Variants in CALN1 observed in about 807,000 individuals in gnomAD.
CALN1 encodes calneuron 1.
A neutral mutation model predicts 30.6 loss-of-function variants in CALN1; 17 were observed. The observed-to-expected ratio is 0.56, with a 90% CI of 0.38 to 0.83. The LOEUF (loss-of-function observed/expected upper bound fraction) is 0.83. Ranked by LOEUF, CALN1 falls within the 40% of genes least tolerant of loss-of-function variation. CALN1 has a pLI of 0.00. For missense variants in CALN1, 291 were observed against 354.9 expected (o/e 0.82, Z 1.45); for synonymous variants, 156 against 131.4 (o/e 1.19, Z -1.28).
chr7:72,384,831 A>G (rs1035401472), intron 2 of CALN1, among the ~76,000 whole-genome samples: 4 of 152,188 alleles, frequency 2.6e-5, no homozygotes, highest in Admixed American at 2.0e-4. Flanking sequence ...CATTATTAAT[A>G]TTTAAAAAGA....
At chr7:71,917,271 G>A (rs1213830624) in intron 5 of CALN1, among the ~76,000 whole-genome samples, 1 of 152,160 alleles carries the variant, frequency 6.6e-6, no homozygotes, top group Non-Finnish European at 1.5e-5. Context: ...TCAAAGGGTG[G>A]TAGAAATGGG....
chr7:72,463,110 C>A, the CALN1 span, among the ~76,000 whole-genome samples: 1 of 148,908 alleles, frequency 6.7e-6, no homozygotes. Flanking sequence ...GAATGCTTTG[C>A]ATTTTTATTT....
intron 3 of CALN1, among the ~76,000 whole-genome samples, chr7:72,264,395 A>G (rs182064388): frequency 2.6e-5 from 4 of 152,210 alleles, no homozygotes; most frequent in African/African-American, 7.2e-5. Context: ...TGAACAAAAT[A>G]TATCTTCAAA....
At chr7:72,344,767 G>A (rs1045733203) in intron 2 of CALN1, among the ~76,000 whole-genome samples, 7 of 144,476 alleles carry the variant, frequency 4.8e-5, no homozygotes, top group African/African-American at 1.3e-4. Flanking sequence ...TTGCTTTTTC[G>A]AAAAAATTTT....
chr7:72,291,621 T>C (rs1798482888), intron 2 of CALN1, among the ~76,000 whole-genome samples: 1 of 152,162 alleles, frequency 6.6e-6, no homozygotes, highest in South Asian at 2.1e-4. Context: ...GGGAAGAAAA[T>C]AAGCATCACT....
At chr7:72,062,536 A>AG (rs1563023160) in intron 4 of CALN1, among the ~76,000 whole-genome samples, 16 of 149,628 alleles carry the variant, frequency 1.1e-4, no homozygotes, top group African/African-American at 3.2e-4. Flanking sequence ...AAAAAGAAAA[A>AG]AAATAAATAA....
At position 72,273,728 on chromosome 7, in the gene CALN1, C is replaced by G. The variant is rs151331553; in HGVS notation, c.244+4958G>C. On this transcript the variant is annotated intron_variant, in intron 3 of 6. Coordinates refer to ENST00000395275, the MANE Select transcript of CALN1 (RefSeq NM_031468.4). ...GTCTCCCTATGTTGCCCAGGCTGGT[C>G]TCCAACTCCTAGGCTCAAGTGATCT... Among the ~76,000 whole-genome samples, 701 of 151,934 alleles carry G rather than the reference C, an allele frequency of 4.6e-3. 3 individuals carry two copies. Among genetic ancestry groups the G allele is most frequent in the African/African-American group, 0.015 (628 of 41,420 alleles).
rs575779687 is a variant in CALN1, at chr7:72,409,301, C to G, written c.-74+2757G>C. Among the ~76,000 whole-genome samples the G allele has an allele frequency of 3.9e-5, 6 of 152,022 alleles. No individual in the cohort carries two copies. The East Asian group carries it at 9.9e-4, about 25-fold the overall frequency. On this transcript the variant is annotated intron_variant, in intron 1 of 6. Coordinates refer to ENST00000395275, the MANE Select transcript of CALN1 (RefSeq NM_031468.4). Reference sequence around the variant, plus strand: ...AAGCCACTGCACCTGGCCCAGCATACTCTTAAATGGACCTCTGTGCTTGTA... The same window carrying G: ...AAGCCACTGCACCTGGCCCAGCATAGTCTTAAATGGACCTCTGTGCTTGTA...
chr7:71,980,279 C>A (rs1313597241), intron 5 of CALN1, among the ~76,000 whole-genome samples: 10 of 151,358 alleles, frequency 6.6e-5, no homozygotes, highest in South Asian at 6.3e-4. Context: ...CTTCACCTCC[C>A]AGGTTCAAGT....
At chr7:72,202,585 A>G (rs1791521445) in intron 3 of CALN1, among the ~76,000 whole-genome samples, 1 of 152,152 alleles carries the variant, frequency 6.6e-6, no homozygotes, top group African/African-American at 2.4e-5. Context: ...TCTGTGATAG[A>G]AAGTTCAGGA....
At chr7:71,848,520 A>G (rs920813802) in intron 5 of CALN1, among the ~76,000 whole-genome samples, 2 of 152,184 alleles carry the variant, frequency 1.3e-5, no homozygotes, top group African/African-American at 4.8e-5. Context: ...TCTGCACTGT[A>G]AAAGGAGGGA....
chr7:72,137,722 G>C (rs1439840191), intron 3 of CALN1, among the ~76,000 whole-genome samples: 2 of 152,146 alleles, frequency 1.3e-5, no homozygotes, highest in Non-Finnish European at 2.9e-5. Flanking sequence ...ATGATGTTAA[G>C]TTTTCTTATT....
intron 3 of CALN1, among the ~76,000 whole-genome samples, chr7:72,107,226 A>G (rs1452768892): frequency 6.6e-6 from 1 of 152,080 alleles, no homozygotes; most frequent in African/African-American, 2.4e-5. Context: ...TCAGGAGGAA[A>G]GGAGAATGCA....
At chr7:72,471,286 G>C in the CALN1 span, among the ~76,000 whole-genome samples, 1 of 152,160 alleles carries the variant, frequency 6.6e-6, no homozygotes, top group Non-Finnish European at 1.5e-5. Flanking sequence ...AGATGCTCAA[G>C]GATACCCCTA....
At chr7:72,397,072 G>A (rs1443364634) in intron 2 of CALN1, among the ~76,000 whole-genome samples, 1 of 151,960 alleles carries the variant, frequency 6.6e-6, no homozygotes, top group Non-Finnish European at 1.5e-5. Context: ...CACCGTGCCT[G>A]GTTAATTTTT....
At chr7:72,310,935 TAAA>T (rs1246721658) in intron 2 of CALN1, among the ~76,000 whole-genome samples, 11 of 138,048 alleles carry the variant, frequency 8.0e-5, no homozygotes, top group Admixed American at 5.7e-4. Flanking sequence ...AAAACAAAAA[TAAA>T]GAAGAAGAAA....
intron 5 of CALN1, among the ~76,000 whole-genome samples, chr7:71,818,601 C>T (rs1788400360): frequency 6.6e-6 from 1 of 151,964 alleles, no homozygotes; most frequent in African/African-American, 2.4e-5. Flanking sequence ...AATTCCTGTG[C>T]TCAAGTGATC....
intron 1 of CALN1, among the ~76,000 whole-genome samples, chr7:72,443,180 G>A (rs868432891): frequency 5.9e-5 from 9 of 152,184 alleles, no homozygotes; most frequent in African/African-American, 1.9e-4. Flanking sequence ...ACCATCTGAC[G>A]TGCTATGTAC....
intron 3 of CALN1, among the ~76,000 whole-genome samples, chr7:72,273,099 C>G (rs1797103642): frequency 6.6e-6 from 1 of 151,660 alleles, no homozygotes; most frequent in Non-Finnish European, 1.5e-5. Flanking sequence ...CTTCTGGAAA[C>G]TGGAGACGGC....
Sources: allele counts gnomAD v4.1 joint callset (sites outside exome capture counted in the v4.1 genomes callset), GRCh38; gene constraint gnomAD v4.1.1; transcripts MANE v1.5; gene names NCBI Gene and HGNC (gene_info 2026-07-23, HGNC 2026-07-21).